Variants in EPHB2 observed in about 807,000 individuals in gnomAD.
EPHB2 encodes the protein ephrin type-B receptor 2.
A neutral mutation model predicts 96.4 loss-of-function variants in EPHB2; 18 were observed. The ratio of observed to expected loss-of-function variants is 0.19; its 90% CI spans 0.13 to 0.28. The LOEUF is 0.28. Ranked by LOEUF, EPHB2 falls within the 10% of genes least tolerant of loss-of-function variation. EPHB2 has a pLI of 1.00. For synonymous variants in EPHB2, 506 were observed against 534.1 expected (o/e 0.95, Z 0.72); for missense variants, 989 against 1,355.4 (o/e 0.73, Z 4.25).
intron 3 of EPHB2, among the ~76,000 whole-genome samples, chr1:22,839,885 C>T (rs1024906955): frequency 2.0e-5 from 3 of 152,144 alleles, no homozygotes; most frequent in African/African-American, 7.2e-5. Context: ...ACTCACCTAT[C>T]GTACCCTACA....
chr1:22,833,527 G>C (rs759016126), intron 3 of EPHB2, among the ~76,000 whole-genome samples: 8 of 152,188 alleles, frequency 5.3e-5, no homozygotes, highest in African/African-American at 9.7e-5. Flanking sequence ...TTGGGAGGTA[G>C]ATAGGGATAG....
Position 22,747,402 on chromosome 1 carries a change from G to A in EPHB2, c.62-34019G>A, listed in dbSNP as rs554439089. 7.7e-4 allele frequency among the ~76,000 whole-genome samples: 117 copies of A among 152,324 alleles called. No homozygotes were observed. In the Middle Eastern group the frequency reaches 0.017, roughly 22 times the overall value. On this transcript the variant is annotated intron_variant, in intron 1 of 15. Coordinates refer to ENST00000374630, the MANE Select transcript of EPHB2 (RefSeq NM_017449.5). ...TGGTGAAGTGGCTTGCCCAAGGCCC[G>A]ACTCAAAATCAAGGTCTGTTGATGC...
intron 7 of EPHB2, 57 bp downstream of exon 7, chr1:22,893,103 C>T: frequency 6.2e-7 from 1 of 1,612,766 alleles, no homozygotes; most frequent in Admixed American, 1.7e-5. Flanking sequence ...AGAACAAACT[C>T]AAGGGTCACC....
chr1:22,713,418 T>C (rs1267786146), intron 1 of EPHB2, among the ~76,000 whole-genome samples: 1 of 152,158 alleles, frequency 6.6e-6, no homozygotes, highest in African/African-American at 2.4e-5. Flanking sequence ...TACGCCCTAC[T>C]TCCCCTCTTT....
chr1:22,881,094 C>T (rs969463164), intron 5 of EPHB2, among the ~76,000 whole-genome samples: 3 of 151,904 alleles, frequency 2.0e-5, no homozygotes, highest in South Asian at 2.1e-4. Flanking sequence ...GGCAACATGG[C>T]GAAACCCCGC....
At chr1:22,861,297 A>G (rs1328170575) in intron 3 of EPHB2, among the ~76,000 whole-genome samples, 1 of 151,908 alleles carries the variant, frequency 6.6e-6, no homozygotes, top group African/African-American at 2.4e-5. Context: ...TCCTGCTTGC[A>G]TGGCCTCCAA....
chr1:22,782,182 C>A (rs1425842219), intron 2 of EPHB2, among the ~76,000 whole-genome samples: 3 of 152,176 alleles, frequency 2.0e-5, no homozygotes, highest in Non-Finnish European at 4.4e-5. Flanking sequence ...TCCTTAATCT[C>A]TCTGAGCTTC....
rs116230839 is a variant in EPHB2 at position 22,908,245 on chromosome 1, A to G, written c.2352+77A>G. On this transcript the variant is annotated intron_variant, in intron 12 of 15. Transcript: ENST00000374630. ...GAGTGTCCATCTCTCCCTGCAAGAC[A>G]CTTTCACTAACGCCCAATTGGGCCA... The G allele has an allele frequency of 1.8e-3, 2,830 of 1,547,126 alleles. 33 individuals are homozygous for G. In the African/African-American group the frequency reaches 0.028, roughly 15 times the overall value.
intron 1 of EPHB2, among the ~76,000 whole-genome samples, chr1:22,761,726 C>G (rs984106480): frequency 5.3e-5 from 8 of 152,234 alleles, no homozygotes; most frequent in Non-Finnish European, 1.2e-4. Context: ...CCCTTCCCTG[C>G]CAATGCCCAG....
chr1:22,812,800 G>C (rs568946877), intron 3 of EPHB2, among the ~76,000 whole-genome samples: 22 of 152,350 alleles, frequency 1.4e-4, no homozygotes, highest in Admixed American at 5.2e-4. Flanking sequence ...TGGGAGTCGA[G>C]CATTGCCGTC....
intron 3 of EPHB2, among the ~76,000 whole-genome samples, chr1:22,835,445 T>C (rs1449152655): frequency 7.0e-6 from 1 of 143,874 alleles, no homozygotes; most frequent in Non-Finnish European, 1.5e-5. Context: ...CATACACACA[T>C]ATGTGTACAG....
In EPHB2 at chr1:22,858,523, C is replaced by T. The variant is rs1358042474; in HGVS notation, c.812-4514C>T. Among the ~76,000 whole-genome samples, 1 of 152,158 alleles carries T rather than the reference C, an allele frequency of 6.6e-6. No homozygotes were observed. The highest frequency in any genetic ancestry group is 2.1e-4 in the South Asian group (1 of 4,828). ...AGACTGAGTTTCAAAGGGGAGGAGG[C>T]CTTCCCAAGCCCACACGCCCGTCAG... On this transcript the variant is annotated intron_variant, in intron 3 of 15. Transcript: ENST00000374630. The surrounding 1 kb of genome is among the most constrained non-coding windows in gnomAD (Gnocchi z 7.7).
intron 3 of EPHB2, among the ~76,000 whole-genome samples, chr1:22,813,913 G>A (rs535273281): frequency 2.6e-5 from 4 of 152,242 alleles, no homozygotes; most frequent in African/African-American, 9.6e-5. Context: ...AGTGACTCAC[G>A]CCTGTAATCC....
intron 3 of EPHB2, among the ~76,000 whole-genome samples, chr1:22,848,943 C>T (rs1309712467): frequency 2.0e-5 from 3 of 152,108 alleles, no homozygotes; most frequent in Non-Finnish European, 4.4e-5. Flanking sequence ...GGGGATGGCA[C>T]TTCATTGCTT....
chr1:22,865,209 G>T lies in EPHB2; in HGVS notation c.1300G>T (p.Ala434Ser), dbSNP rs985567063. Residue 434 changes from alanine to serine, a missense_variant, in exon 5 of 16, where the codon GCA becomes TCA. Transcript: ENST00000374630. The stretch of plus-strand genomic sequence containing the variant: ...CTCTGTGAACATCACCACCAACCAG[G>T]CAGGTAAGTGCTTCCGACGTGGGCC... ...FASVNITTNQ[A>S]APSAVSIMHQ... 6.2e-7 allele frequency: 1 copy of T among 1,614,224 alleles called. No individual in the cohort carries two copies. The highest frequency in any genetic ancestry group is 8.5e-7 in the Non-Finnish European group (1 of 1,180,046).
At chr1:22,912,827 T>C in intron 15 of EPHB2, 2 of 586,886 alleles carry the variant, frequency 3.4e-6, no homozygotes, top group South Asian at 3.6e-5. Context: ...TCCCTCAGCC[T>C]CCGTTTTCTC....
intron 3 of EPHB2, among the ~76,000 whole-genome samples, chr1:22,809,588 C>G (rs1455244089): frequency 1.3e-5 from 2 of 152,118 alleles, no homozygotes; most frequent in African/African-American, 4.8e-5. Context: ...CATCATTATC[C>G]CCATTTTACA....
At chr1:22,820,115 G>A (rs1009627851) in intron 3 of EPHB2, among the ~76,000 whole-genome samples, 1 of 152,114 alleles carries the variant, frequency 6.6e-6, no homozygotes, top group African/African-American at 2.4e-5. Flanking sequence ...CCAGGAAAAG[G>A]GGAGGCAGGC....
Position 22,808,089 on chromosome 1 carries a change from G to A in EPHB2, c.811+23013G>A, listed in dbSNP as rs141118534. ...ACGGAGGTTGCAGTGAGCCGAGATG[G>A]TGCCACTGCACTCCAGCCTGGCCGG... On this transcript the variant is annotated intron_variant, in intron 3 of 15. Coordinates refer to ENST00000374630, the MANE Select transcript of EPHB2 (RefSeq NM_017449.5). Among the ~76,000 whole-genome samples the A allele has an allele frequency of 4.8e-3, 732 of 151,836 alleles. 10 individuals are homozygous for A. The highest frequency in any genetic ancestry group is 0.017 in the African/African-American group (686 of 41,254).
Sources: allele counts gnomAD v4.1 joint callset (sites outside exome capture counted in the v4.1 genomes callset), GRCh38; gene constraint gnomAD v4.1.1; non-coding constraint Gnocchi (gnomAD v3.1); transcripts MANE v1.5; gene names NCBI Gene and HGNC (gene_info 2026-07-23, HGNC 2026-07-21).